Variants in TMPRSS11D observed in about 807,000 individuals in gnomAD.
The protein encoded by TMPRSS11D is transmembrane protease serine 11D.
In TMPRSS11D, 32 loss-of-function variants were observed where a neutral mutation model predicts 44.4. The observed-to-expected ratio is 0.72, with a 90% confidence interval of 0.54 to 0.97. TMPRSS11D has a LOEUF of 0.97. TMPRSS11D is among the 50% of genes least tolerant of loss of function. The pLI, the probability that TMPRSS11D is intolerant of heterozygous loss-of-function variation, is 0.00. For synonymous variants in TMPRSS11D, 179 were observed against 177.9 expected (o/e 1.01, Z -0.05); for missense variants, 446 against 502.6 (o/e 0.89, Z 1.08).
Position 67,859,673 on chromosome 4 carries a change from G to A in TMPRSS11D, c.14C>T (p.Ala5Val). MYRP[A>V]RVTSTSRFLN... The stretch of plus-strand genomic sequence containing the variant: ...AAATCTTGAAGTCGAAGTTACACGT[G>A]CTGGCCTTACAAGAGAGAGAGATCA... The change falls in exon 2 of 10, where the codon GCA (alanine) becomes GTA (valine). Residue 5 changes from alanine (A) to valine (V), a missense_variant. Transcript: ENST00000283916. 6.2e-7 allele frequency: 1 copy of A among 1,612,652 alleles called. No homozygotes were observed. The highest frequency in any genetic ancestry group is 1.1e-5 in the South Asian group (1 of 91,024).
rs747398530 is a variant in TMPRSS11D at position 67,822,516 on chromosome 4, G to A, written c.1096-18C>T. The A allele has an allele frequency of 4.3e-6, 7 of 1,613,292 alleles. No homozygotes were observed. The highest frequency in any genetic ancestry group is 5.9e-6 in the Non-Finnish European group (7 of 1,179,648). The stretch of plus-strand genomic sequence containing the variant: ...GAGTCACCCTGTAAAAAAACAGAAT[G>A]ACTGATTACTTAAGTGCAAAGACAA... On this transcript the variant is annotated intron_variant, in intron 9 of 9. Transcript: ENST00000283916.
intron 1 of TMPRSS11D, 23 bp from the exon 2 acceptor site, chr4:67,859,701 G>C: frequency 6.2e-7 from 1 of 1,609,932 alleles, no homozygotes; most frequent in Non-Finnish European, 8.5e-7. Context: ...AGAGATCAAA[G>C]AAAGTCATTC....
chr4:67,864,710 A>G (rs1718876461), intron 1 of TMPRSS11D, among the ~76,000 whole-genome samples: 1 of 151,942 alleles, frequency 6.6e-6, no homozygotes, highest in South Asian at 2.1e-4. Flanking sequence ...AAACCAAAAG[A>G]GAATAGAAGT....
In TMPRSS11D at chr4:67,827,507, G is replaced by C. The variant is rs760967680; in HGVS notation, c.706C>G (p.Arg236Gly). The C allele has an allele frequency of 3.1e-6, 5 of 1,601,408 alleles. No homozygotes were observed. The South Asian group carries it at 5.6e-5, about 18-fold the overall frequency. The change falls in exon 8 of 10, where the codon CGT becomes GGT. Residue 236 changes from arginine to glycine, a missense_variant. Coordinates refer to ENST00000283916, the MANE Select transcript of TMPRSS11D (RefSeq NM_004262.3). ...ATACCAGACGTGGCAATCCAGTCAC[G>C]AGGATTAGAGTTGCTAAAACATTAT... ...AHCFRSNSNPRDWIATSGIST... is the reference protein window; with the variant it reads ...AHCFRSNSNPGDWIATSGIST...
chr4:67,856,793 A>T (rs553291161), intron 2 of TMPRSS11D, among the ~76,000 whole-genome samples: 20 of 152,260 alleles, frequency 1.3e-4, no homozygotes, highest in Admixed American at 4.6e-4. Context: ...ACTAAAAAAA[A>T]ATAAAAATTC....
At chr4:67,873,092 A>C (rs115544573) in intron 1 of TMPRSS11D, among the ~76,000 whole-genome samples, 3,806 of 152,218 alleles carry the variant, frequency 0.025, 176 homozygotes, top group African/African-American at 0.086. Context: ...CCTAGAGAAA[A>C]CTTCATGTTT....
chr4:67,860,596 T>C (rs992062130), intron 1 of TMPRSS11D, among the ~76,000 whole-genome samples: 2 of 152,238 alleles, frequency 1.3e-5, no homozygotes, highest in African/African-American at 4.8e-5. Context: ...ATGTTTAACA[T>C]AGGCAAACTG....
intron 1 of TMPRSS11D, among the ~76,000 whole-genome samples, chr4:67,861,967 A>T (rs1011740054): frequency 9.9e-5 from 15 of 152,120 alleles, no homozygotes; most frequent in African/African-American, 3.6e-4. Context: ...TAAACACTGA[A>T]TTTTCATTCA....
chr4:67,875,235 T>C (rs569181918), intron 1 of TMPRSS11D, among the ~76,000 whole-genome samples: 46 of 152,192 alleles, frequency 3.0e-4, no homozygotes, highest in Non-Finnish European at 4.4e-4. Flanking sequence ...ACATATATTC[T>C]CTTATCCAGG....
chr4:67,871,919 T>C (rs1183171496), intron 1 of TMPRSS11D, among the ~76,000 whole-genome samples: 1 of 152,134 alleles, frequency 6.6e-6, no homozygotes, highest in Non-Finnish European at 1.5e-5. Flanking sequence ...TTGCAAAGTG[T>C]TGGGAGCAAT....
At chr4:67,828,181 C>G (rs1245109032) in intron 7 of TMPRSS11D, among the ~76,000 whole-genome samples, 4 of 151,840 alleles carry the variant, frequency 2.6e-5, no homozygotes, top group Non-Finnish European at 5.9e-5. Context: ...ACTTGTCATA[C>G]TGAACAAGAT....
At chr4:67,871,663 G>C (rs1719064905) in intron 1 of TMPRSS11D, among the ~76,000 whole-genome samples, 1 of 152,076 alleles carries the variant, frequency 6.6e-6, no homozygotes, top group South Asian at 2.1e-4. Context: ...CACTTACTTT[G>C]CTAAGGAAAG....
intron 5 of TMPRSS11D, among the ~76,000 whole-genome samples, chr4:67,836,534 TA>T (rs1276404231): frequency 6.6e-6 from 1 of 152,170 alleles, no homozygotes; most frequent in Non-Finnish European, 1.5e-5. Flanking sequence ...CAGAAAATTT[TA>T]AAAAGCTGGC....
intron 1 of TMPRSS11D, among the ~76,000 whole-genome samples, chr4:67,878,137 C>G (rs902214319): frequency 6.6e-6 from 1 of 152,140 alleles, no homozygotes; most frequent in Admixed American, 6.5e-5. Flanking sequence ...CTTCAAAAAC[C>G]AGCATGATCT....
At chr4:67,848,140 T>C (rs1005914748) in intron 3 of TMPRSS11D, among the ~76,000 whole-genome samples, 13 of 152,250 alleles carry the variant, frequency 8.5e-5, no homozygotes, top group Non-Finnish European at 2.9e-5. Flanking sequence ...TTTATGGAAA[T>C]GCCATTCAAT....
Position 67,827,519 on chromosome 4 carries a change from T to G in TMPRSS11D, c.694A>C (p.Asn232His), listed in dbSNP as rs754007305. The G allele has an allele frequency of 6.3e-7, 1 of 1,585,110 alleles. No individual in the cohort carries two copies. The highest frequency in any genetic ancestry group is 8.6e-7 in the Non-Finnish European group (1 of 1,166,124). ...GCAATCCAGTCACGAGGATTAGAGTTGCTAAAACATTATGAAAACATGCTA... is the reference window on the plus strand; with the variant it reads ...GCAATCCAGTCACGAGGATTAGAGTGGCTAAAACATTATGAAAACATGCTA... Reference protein sequence around the residue: ...ILTAAHCFRSNSNPRDWIATS... With the variant: ...ILTAAHCFRSHSNPRDWIATS... The change falls in exon 8 of 10, where the codon AAC becomes CAC. Residue 232 changes from asparagine (N) to histidine (H), a missense_variant and splice_region_variant. Physicochemically the swap from Asn to His is moderately conservative, Grantham distance 68. Coordinates refer to ENST00000283916, the MANE Select transcript of TMPRSS11D (RefSeq NM_004262.3).
At chr4:67,878,953 T>C (rs910883172) in intron 1 of TMPRSS11D, among the ~76,000 whole-genome samples, 3 of 152,118 alleles carry the variant, frequency 2.0e-5, no homozygotes, top group Admixed American at 6.6e-5. Flanking sequence ...TAATTATATA[T>C]ATCATAAAAG....
chr4:67,836,702 T>G (rs1419649843), intron 5 of TMPRSS11D, among the ~76,000 whole-genome samples: 1 of 152,180 alleles, frequency 6.6e-6, no homozygotes, highest in Admixed American at 6.6e-5. Context: ...AAAATTCATA[T>G]AGGGCATTAA....
chr4:67,878,795 G>C (rs550796128), intron 1 of TMPRSS11D, among the ~76,000 whole-genome samples: 6 of 152,060 alleles, frequency 3.9e-5, no homozygotes, highest in African/African-American at 1.4e-4. Flanking sequence ...GTGGTGGCAC[G>C]TGCCTGTAAT....
Sources: allele counts gnomAD v4.1 joint callset (sites outside exome capture counted in the v4.1 genomes callset), GRCh38; gene constraint gnomAD v4.1.1; transcripts MANE v1.5; gene names NCBI Gene and HGNC (gene_info 2026-07-23, HGNC 2026-07-21).